CDK14: variants seen among roughly 807,000 people sequenced by gnomAD.
CDK14 encodes the protein cyclin-dependent kinase 14.
A neutral mutation model predicts 60.7 loss-of-function variants in CDK14; 34 were observed. The observed-to-expected ratio is 0.56, with a 90% CI of 0.43 to 0.75. The LOEUF (loss-of-function observed/expected upper bound fraction) is 0.75, where lower values mean the gene tolerates loss of function less well. Among genes scored for constraint, CDK14 ranks in the 30% least tolerant of loss-of-function variants. The pLI is 0.00. For missense variants in CDK14, 482 were observed against 564.1 expected (o/e 0.85, Z 1.47); for synonymous variants, 197 against 203.7 (o/e 0.97, Z 0.28).
intron 8 of CDK14, among the ~76,000 whole-genome samples, chr7:90,945,425 A>T (rs1057462317): frequency 9.2e-5 from 14 of 152,210 alleles, no homozygotes; most frequent in African/African-American, 3.4e-4. Context: ...AACTCTGGGC[A>T]GGGTTAAGTA....
At chr7:90,927,357 G>C (rs908170491) in intron 8 of CDK14, among the ~76,000 whole-genome samples, 4 of 152,074 alleles carry the variant, frequency 2.6e-5, no homozygotes, top group African/African-American at 9.7e-5. Flanking sequence ...GGTCTTAGGA[G>C]CTCTGTGTCA....
intron 14 of CDK14, 25 bp from the exon 15 acceptor site, chr7:91,207,140 C>G (rs753942530): frequency 9.9e-5 from 15 of 151,506 alleles, no homozygotes; most frequent in Non-Finnish European, 1.6e-4. Flanking sequence ...TTTTATATAA[C>G]AATTTTCTAT....
chr7:90,648,115 A>G (rs1800510360), intron 2 of CDK14, among the ~76,000 whole-genome samples: 1 of 152,052 alleles, frequency 6.6e-6, no homozygotes, highest in South Asian at 2.1e-4. Flanking sequence ...GTGGGTTAGC[A>G]ATTTGGGAGC....
chr7:90,806,565 G>A (rs1278771841), intron 5 of CDK14, among the ~76,000 whole-genome samples: 1 of 152,212 alleles, frequency 6.6e-6, no homozygotes, highest in Non-Finnish European at 1.5e-5. Context: ...GGTGATTTCT[G>A]CATTTCCAAC....
At chr7:91,196,707 T>G (rs1354320991) in intron 14 of CDK14, among the ~76,000 whole-genome samples, 1 of 152,192 alleles carries the variant, frequency 6.6e-6, no homozygotes, top group Non-Finnish European at 1.5e-5. Flanking sequence ...GAGCAGAATG[T>G]GATTGACTGT....
At chr7:90,664,573 A>G (rs1456725206) in intron 2 of CDK14, among the ~76,000 whole-genome samples, 1 of 152,194 alleles carries the variant, frequency 6.6e-6, no homozygotes, top group Non-Finnish European at 1.5e-5. Context: ...GATTAAGAAA[A>G]TATGGCACAT....
At chr7:90,720,031 G>T (rs1802388189) in intron 2 of CDK14, among the ~76,000 whole-genome samples, 1 of 152,136 alleles carries the variant, frequency 6.6e-6, no homozygotes, top group Non-Finnish European at 1.5e-5. Flanking sequence ...TATTTTCCAC[G>T]AGTTAATGAA....
chr7:90,672,225 T>C (rs1439557225), intron 2 of CDK14, among the ~76,000 whole-genome samples: 23 of 152,226 alleles, frequency 1.5e-4, no homozygotes, highest in Admixed American at 1.5e-3. Flanking sequence ...TTCAGTAGTT[T>C]TTAGTATATT....
chr7:90,637,223 T>C (rs1391298603), intron 2 of CDK14, among the ~76,000 whole-genome samples: 1 of 151,066 alleles, frequency 6.6e-6, no homozygotes, highest in African/African-American at 2.4e-5. Context: ...TTAATTGTGA[T>C]GTTAGGGTGT....
intron 10 of CDK14, among the ~76,000 whole-genome samples, chr7:90,996,997 G>T (rs553406007): frequency 6.6e-6 from 1 of 152,244 alleles, no homozygotes; most frequent in Admixed American, 6.5e-5. Context: ...CTAAGTATCT[G>T]CCAGTTTTTC....
chr7:91,093,627 C>T (rs534589988), intron 12 of CDK14, among the ~76,000 whole-genome samples: 1 of 152,200 alleles, frequency 6.6e-6, no homozygotes, highest in Non-Finnish European at 1.5e-5. Context: ...TTTTAGCAAG[C>T]ATTTAAAAAC....
intron 11 of CDK14, among the ~76,000 whole-genome samples, chr7:91,069,846 G>C (rs899279377): frequency 1.3e-5 from 2 of 152,108 alleles, no homozygotes; most frequent in African/African-American, 4.8e-5. Context: ...ACTCAGGCTG[G>C]AGTACGGTGG....
intron 11 of CDK14, among the ~76,000 whole-genome samples, chr7:91,049,054 T>A (rs114175965): frequency 0.023 from 3,480 of 151,120 alleles, 132 homozygotes; most frequent in African/African-American, 0.079. Context: ...TTTTTTTTTT[T>A]AATATTTTGT....
chr7:90,996,479 T>C (rs3808280), intron 10 of CDK14, among the ~76,000 whole-genome samples: 13,958 of 152,276 alleles, frequency 0.092, 817 homozygotes, highest in East Asian at 0.18. Context: ...TAAAAAGCTA[T>C]GGCTGTTTGA....
At position 90,887,793 on chromosome 7, in the gene CDK14, T is replaced by A. The variant is rs1032425867; in HGVS notation, c.640-11498T>A. 3.9e-5 allele frequency among the ~76,000 whole-genome samples: 6 copies of A among 152,326 alleles called. No homozygotes were observed. In the East Asian group the frequency reaches 1.2e-3, roughly 29 times the overall value. ...GGGTCAAATTATATGAACAAAATTA[T>A]AAATGCTTCATTTTTAATTAAGAAG... is the stretch of plus-strand genomic sequence containing the variant. On this transcript the variant is annotated intron_variant, in intron 6 of 14. Coordinates refer to ENST00000380050, the MANE Select transcript of CDK14 (RefSeq NM_001287135.2).
At chr7:91,168,410 T>C (rs555143508) in intron 14 of CDK14, among the ~76,000 whole-genome samples, 4 of 152,300 alleles carry the variant, frequency 2.6e-5, no homozygotes, top group Non-Finnish European at 5.9e-5. Flanking sequence ...CAGGTATATA[T>C]TTATTACAGT....
intron 4 of CDK14, among the ~76,000 whole-genome samples, chr7:90,778,826 T>A (rs894219199): frequency 1.3e-5 from 2 of 150,886 alleles, no homozygotes; most frequent in Non-Finnish European, 3.0e-5. Flanking sequence ...TCCTTTCCTG[T>A]GGAATGTAAA....
chr7:90,675,891 T>C (rs1320298861), intron 2 of CDK14, among the ~76,000 whole-genome samples: 1 of 152,160 alleles, frequency 6.6e-6, no homozygotes, highest in East Asian at 1.9e-4. Flanking sequence ...TAATAAGACC[T>C]AAAACAGTCA....
intron 2 of CDK14, among the ~76,000 whole-genome samples, chr7:90,673,688 A>G (rs1294211654): frequency 6.6e-6 from 1 of 152,228 alleles, no homozygotes; most frequent in Non-Finnish European, 1.5e-5. Flanking sequence ...CATTACCCTA[A>G]GAAAAGTTTA....
Sources: allele counts gnomAD v4.1 joint callset (sites outside exome capture counted in the v4.1 genomes callset), GRCh38; gene constraint gnomAD v4.1.1; transcripts MANE v1.5; gene names NCBI Gene and HGNC (gene_info 2026-07-23, HGNC 2026-07-21).